PRKN: variants seen among roughly 807,000 people sequenced by gnomAD.
PRKN encodes the protein E3 ubiquitin-protein ligase parkin.
A neutral mutation model predicts 59.5 loss-of-function variants in PRKN; 56 were observed. That is an observed-to-expected ratio of 0.94 (90% CI 0.76 to 1.18). PRKN has a LOEUF of 1.18. Among genes scored for constraint, PRKN ranks in the 50% most tolerant of loss-of-function variants. The probability of loss-of-function intolerance (pLI) is 0.00; values close to 1 mark genes in which losing one functional copy is unlikely to be tolerated. For synonymous variants in PRKN, 250 were observed against 222.1 expected (o/e 1.13, Z -1.12); for missense variants, 657 against 596.4 (o/e 1.10, Z -1.06).
intron 9 of PRKN, among the ~76,000 whole-genome samples, chr6:161,435,290 G>T (rs977645631): frequency 6.6e-6 from 1 of 152,104 alleles, no homozygotes; most frequent in African/African-American, 2.4e-5. Flanking sequence ...CATTCCCATT[G>T]TCCTAAAAAA....
chr6:162,020,025 A>G (rs199777891), intron 5 of PRKN, among the ~76,000 whole-genome samples: 1 of 81,624 alleles, frequency 1.2e-5, no homozygotes, highest in Admixed American at 1.6e-4. Context: ...GTCTCAAAGG[A>G]AAAAAAAAAA....
intron 4 of PRKN, among the ~76,000 whole-genome samples, chr6:162,102,185 TC>T (rs1779998691): frequency 6.6e-6 from 1 of 151,988 alleles, no homozygotes; most frequent in South Asian, 2.1e-4. Context: ...ATACTCTCCG[TC>T]CCCCCACCCA....
At chr6:162,140,999 G>A (rs902103176) in intron 4 of PRKN, among the ~76,000 whole-genome samples, 7 of 152,036 alleles carry the variant, frequency 4.6e-5, no homozygotes, top group South Asian at 2.1e-4. Flanking sequence ...GCGTTGTGGC[G>A]GGCGCTTATA....
At chr6:161,614,397 G>C (rs1211964665) in intron 7 of PRKN, among the ~76,000 whole-genome samples, 1 of 152,144 alleles carries the variant, frequency 6.6e-6, no homozygotes, top group Non-Finnish European at 1.5e-5. Flanking sequence ...ACAACAAAGA[G>C]AAACAGATTT....
rs1451833151 is a variant in PRKN, at chr6:161,518,919, C to T, written c.1083+29935G>A. ...AGGAAGGCTGAGCACAAGAGAATCT[C>T]CCTCTGTCCACAGAAATGCCTGAGC... On this transcript the variant is annotated intron_variant, in intron 9 of 11. Coordinates refer to ENST00000366898, the MANE Select transcript of PRKN (RefSeq NM_004562.3). This position sits in a 1 kb window ranked among gnomAD's most constrained non-coding sequence, Gnocchi z 5.0. Among the ~76,000 whole-genome samples the T allele has an allele frequency of 6.6e-6, 1 of 152,190 alleles. No homozygotes were observed. Among genetic ancestry groups the T allele is most frequent in the African/African-American group, 2.4e-5 (1 of 41,444 alleles).
intron 4 of PRKN, among the ~76,000 whole-genome samples, chr6:162,116,319 T>C (rs1780670547): frequency 1.3e-5 from 2 of 152,214 alleles, no homozygotes; most frequent in Admixed American, 1.3e-4. Context: ...GATCACAACA[T>C]GCAAACAATT....
chr6:161,621,966 AC>A (rs1416026343), intron 7 of PRKN, among the ~76,000 whole-genome samples: 1 of 152,040 alleles, frequency 6.6e-6, no homozygotes, highest in Non-Finnish European at 1.5e-5. Flanking sequence ...CGCTTAAGCC[AC>A]CCTCTGTTTT....
chr6:161,635,247 A>G (rs1783469972), intron 7 of PRKN, among the ~76,000 whole-genome samples: 1 of 152,238 alleles, frequency 6.6e-6, no homozygotes, highest in Non-Finnish European at 1.5e-5. Context: ...AACAAAAAAC[A>G]TCAACCAGAA....
chr6:161,864,133 T>C (rs1332570715), intron 6 of PRKN, among the ~76,000 whole-genome samples: 1 of 152,156 alleles, frequency 6.6e-6, no homozygotes, highest in Non-Finnish European at 1.5e-5. Flanking sequence ...ATTTGACTCC[T>C]CCTTTCATGA....
At position 162,183,770 on chromosome 6, in the gene PRKN, G is replaced by T. The variant is rs567667133; in HGVS notation, c.534+17361C>A. On this transcript the variant is annotated intron_variant, in intron 4 of 11. Transcript: ENST00000366898. The stretch of plus-strand genomic sequence containing the variant: ...ATAAAACTTTACTAACACTTGAATT[G>T]CCGCAGTATGCCGCCCCTCGATCCC... Among the ~76,000 whole-genome samples, 5 of 152,196 alleles carry T rather than the reference G, an allele frequency of 3.3e-5. No individual in the cohort carries two copies. In the South Asian group the frequency reaches 1.0e-3, roughly 32 times the overall value.
chr6:161,688,205 A>G (rs1785639398), intron 7 of PRKN, among the ~76,000 whole-genome samples: 1 of 152,214 alleles, frequency 6.6e-6, no homozygotes, highest in Non-Finnish European at 1.5e-5. Context: ...ATGAATAAAT[A>G]CCATCAGTGG....
intron 2 of PRKN, among the ~76,000 whole-genome samples, chr6:162,400,995 T>C (rs1179475427): frequency 1.3e-5 from 2 of 152,220 alleles, no homozygotes; most frequent in Admixed American, 6.5e-5. Context: ...TCACAGAATA[T>C]AGTAAAAACA....
Position 162,235,994 on chromosome 6 carries a change from AAAG to A in PRKN, c.412+26528_412+26530del, listed in dbSNP as rs1177466225. On this transcript the variant is annotated intron_variant, in intron 3 of 11. Coordinates refer to ENST00000366898, the MANE Select transcript of PRKN (RefSeq NM_004562.3). The stretch of plus-strand genomic sequence containing the variant: ...GAAAGAAAGAAAGAAAGAAAGAAAG[AAAG>A]AAAGAAAGAAAGAAAGAAAGAAAGA... 1.7e-4 allele frequency among the ~76,000 whole-genome samples: 22 copies of A among 130,970 alleles called. No homozygotes were observed. In the East Asian group the frequency reaches 1.8e-3, roughly 11 times the overall value. 85.9% of individuals were successfully genotyped at this position (130,970 alleles called of 152,430 possible). A position where few individuals can be genotyped will look rare whatever the true frequency, so the allele number is the denominator to read the frequency against.
intron 2 of PRKN, among the ~76,000 whole-genome samples, chr6:162,354,071 G>A (rs2128131895): frequency 1.3e-5 from 2 of 152,116 alleles, no homozygotes; most frequent in Middle Eastern, 6.8e-3. Flanking sequence ...ATATGAAATG[G>A]GTGTATTTGT....
intron 7 of PRKN, among the ~76,000 whole-genome samples, chr6:161,659,574 C>G (rs1784471111): frequency 6.6e-6 from 1 of 152,048 alleles, no homozygotes; most frequent in South Asian, 2.1e-4. Context: ...TAAGGATGGA[C>G]AGGGCGGGAC....
rs928709514 is a variant in PRKN, at chr6:161,393,209, G to A, written c.1084-6332C>T. Among the ~76,000 whole-genome samples, 8 of 151,160 alleles carry A rather than the reference G, an allele frequency of 5.3e-5. No individual in the cohort carries two copies. Among genetic ancestry groups the A allele is most frequent in the Admixed American group, 4.6e-4 (7 of 15,196 alleles). On this transcript the variant is annotated intron_variant, in intron 9 of 11. Coordinates refer to ENST00000366898, the MANE Select transcript of PRKN (RefSeq NM_004562.3). This position sits in a 1 kb window ranked among gnomAD's most constrained non-coding sequence, Gnocchi z 4.7. ...ACACAACAAATAGTTTTCTCCATGG[G>A]GCTATGATGTTTAACAAGTGGTAAG... is the stretch of plus-strand genomic sequence containing the variant.
chr6:162,004,331 ACTT>A (rs1167569029), intron 5 of PRKN, among the ~76,000 whole-genome samples: 2 of 152,088 alleles, frequency 1.3e-5, no homozygotes, highest in Non-Finnish European at 2.9e-5. Context: ...CATGATTAGA[ACTT>A]CTTGAGGCCT....
intron 2 of PRKN, among the ~76,000 whole-genome samples, chr6:162,413,738 G>A (rs1050275084): frequency 1.3e-5 from 2 of 151,892 alleles, no homozygotes; most frequent in African/African-American, 4.8e-5. Context: ...CATGTTTTTT[G>A]CCTTAAGGAG....
chr6:161,457,879 T>C lies in PRKN; in HGVS notation c.1084-71002A>G, dbSNP rs141779412. ...ATAGTGGCCTTCTTTTGTCTTTCCTTTGTAGTTTTTTGGGAAAAGGACGCC... is the reference window on the plus strand; with the variant it reads ...ATAGTGGCCTTCTTTTGTCTTTCCTCTGTAGTTTTTTGGGAAAAGGACGCC... On this transcript the variant is annotated intron_variant, in intron 9 of 11. Transcript: ENST00000366898. This position sits in a 1 kb window ranked among gnomAD's most constrained non-coding sequence, Gnocchi z 5.0. Among the ~76,000 whole-genome samples, 1,725 of 152,332 alleles carry C rather than the reference T, an allele frequency of 0.011. 19 individuals carry two copies. Among genetic ancestry groups the C allele is most frequent in the Non-Finnish European group, 0.018 (1,252 of 68,030 alleles).
Sources: allele counts gnomAD v4.1 joint callset (sites outside exome capture counted in the v4.1 genomes callset), GRCh38; gene constraint gnomAD v4.1.1; non-coding constraint Gnocchi (gnomAD v3.1); transcripts MANE v1.5; gene names NCBI Gene and HGNC (gene_info 2026-07-23, HGNC 2026-07-21).